Variants in TVP23C observed in about 807,000 individuals in gnomAD.
The protein encoded by TVP23C is Golgi apparatus membrane protein TVP23 homolog C.
In TVP23C, 19 loss-of-function variants were observed where a neutral mutation model predicts 28.7. That is an observed-to-expected ratio of 0.66 (90% confidence interval 0.46 to 0.97). The LOEUF is 0.97. TVP23C is among the 50% of genes least tolerant of loss of function. The pLI, the probability that TVP23C is intolerant of heterozygous loss-of-function variation, is 0.00. For synonymous variants in TVP23C, 68 were observed against 81.7 expected (o/e 0.83, Z 0.90); for missense variants, 186 against 241.3 (o/e 0.77, Z 1.52).
At chr17:15,521,093 A>G (rs373924074) in intron 5 of TVP23C, among the ~76,000 whole-genome samples, 2 of 152,024 alleles carry the variant, frequency 1.3e-5, no homozygotes, top group East Asian at 1.9e-4. Flanking sequence ...ATGTTCATGG[A>G]TCAGAAGATT....
intron 1 of TVP23C, among the ~76,000 whole-genome samples, chr17:15,560,563 T>TTTTG (rs879715339): frequency 4.0e-5 from 6 of 149,112 alleles, no homozygotes; most frequent in African/African-American, 7.3e-5. Context: ...AGTTTGTTTT[T>TTTTG]TTTGTTTGTT....
intron 5 of TVP23C, among the ~76,000 whole-genome samples, chr17:15,508,571 A>T (rs555179786): frequency 5.9e-5 from 9 of 152,186 alleles, no homozygotes; most frequent in African/African-American, 1.9e-4. Flanking sequence ...CTTAGGACTC[A>T]CATGCCTTTG....
rs151321349 is a variant in TVP23C at position 15,543,563 on chromosome 17, G to A, written c.462+2222C>T. 2.3e-3 allele frequency among the ~76,000 whole-genome samples: 354 copies of A among 151,800 alleles called. 2 individuals carry two copies. The highest frequency in any genetic ancestry group is 8.0e-3 in the African/African-American group (332 of 41,384). ...TGAGATAACAGGAGATGAAAATGGA[G>A]CTGACAAAGCTAAGGAAATACAGAG... On this transcript the variant is annotated intron_variant, in intron 5 of 5. Transcript: ENST00000518321.
At position 15,538,039 on chromosome 17, in the gene TVP23C, G is replaced by A. The variant is rs758638317; in HGVS notation, c.*2373C>T. The A allele has an allele frequency of 3.0e-5, 46 of 1,543,912 alleles. No homozygotes were observed. The Middle Eastern group carries it at 2.3e-3, about 76-fold the overall frequency. ...TGGAAAAACAAAGCCAACACTCCTC[G>A]TTGCAACATGGACTAAGCTCTAAAA... On this transcript the variant is annotated 3_prime_UTR_variant, in exon 6 of 6. Coordinates refer to ENST00000518321, the MANE Select transcript of TVP23C (RefSeq NM_001135036.2).
chr17:15,549,439 T>C (rs902437789), intron 3 of TVP23C, among the ~76,000 whole-genome samples: 12 of 152,034 alleles, frequency 7.9e-5, no homozygotes, highest in African/African-American at 2.4e-4. Context: ...TGTTAAGATA[T>C]AAGATGCCTG....
At chr17:15,521,662 T>C (rs1482987820) in intron 5 of TVP23C, among the ~76,000 whole-genome samples, 4 of 152,228 alleles carry the variant, frequency 2.6e-5, no homozygotes, top group Non-Finnish European at 5.9e-5. Context: ...TGGAGATTAA[T>C]GTGAAAAGGA....
At chr17:15,540,697 T>C (rs947617618) in intron 5 of TVP23C, 136 bp from the exon 6 acceptor site, 16 of 608,046 alleles carry the variant, frequency 2.6e-5, no homozygotes, top group Admixed American at 6.0e-5. Context: ...TTGTGCCAGT[T>C]GAGATTTTCC....
At chr17:15,546,262 A>C (rs1983642403) in intron 4 of TVP23C, among the ~76,000 whole-genome samples, 1 of 152,178 alleles carries the variant, frequency 6.6e-6, no homozygotes, top group Non-Finnish European at 1.5e-5. Flanking sequence ...CAAGGAAATC[A>C]CAGTTATAAT....
chr17:15,518,852 T>C (rs1982346160), intron 5 of TVP23C, among the ~76,000 whole-genome samples: 1 of 152,140 alleles, frequency 6.6e-6, no homozygotes, highest in African/African-American at 2.4e-5. Flanking sequence ...GTGACCTCAC[T>C]CAAATCTCAT....
intron 5 of TVP23C, among the ~76,000 whole-genome samples, chr17:15,543,397 A>G (rs989248304): frequency 6.6e-6 from 1 of 151,366 alleles, no homozygotes; most frequent in African/African-American, 2.4e-5. Context: ...TATAGCGAAA[A>G]AAGAAAAAAG....
At chr17:15,528,682 C>A (rs1470692865) in intron 5 of TVP23C, among the ~76,000 whole-genome samples, 1 of 151,588 alleles carries the variant, frequency 6.6e-6, no homozygotes, top group Admixed American at 6.6e-5. Flanking sequence ...CTTGGCTCAC[C>A]GAAGCTTCCA....
At chr17:15,503,186 G>A (rs1316460452) in exon 6 of TVP23C, 1 of 1,574,314 alleles carries the variant, frequency 6.4e-7, no homozygotes. Context: ...AGGATCTCTT[G>A]AGCCCAAGAC....
At chr17:15,506,442 C>T (rs975642436) in intron 5 of TVP23C, among the ~76,000 whole-genome samples, 3 of 152,056 alleles carry the variant, frequency 2.0e-5, no homozygotes, top group Non-Finnish European at 2.9e-5. Context: ...GGATTGTAAA[C>T]GCACCAGTCA....
chr17:15,551,950 T>C (rs1983911980), intron 3 of TVP23C, among the ~76,000 whole-genome samples: 1 of 152,214 alleles, frequency 6.6e-6, no homozygotes, highest in South Asian at 2.1e-4. Context: ...CATATCTCCA[T>C]TGTTTTGCTA....
At position 15,537,085 on chromosome 17, in the gene TVP23C, T is replaced by C; in HGVS notation, c.*3327A>G. The C allele has an allele frequency of 8.6e-6, 2 of 231,672 alleles. No individual in the cohort carries two copies. Among genetic ancestry groups the C allele is most frequent in the Non-Finnish European group, 1.4e-5 (2 of 145,360 alleles). 14.4% of individuals were successfully genotyped at this position (231,672 alleles called of 1,614,324 possible). The stretch of plus-strand genomic sequence containing the variant: ...ATTAAACAAATAATCTTAAAAACTA[T>C]TTTAACAATGTACAAATATATTCAC... On this transcript the variant is annotated 3_prime_UTR_variant, in exon 6 of 6. Transcript: ENST00000518321.
chr17:15,540,696 T>C (rs574524320), intron 5 of TVP23C, 135 bp from the exon 6 acceptor site: 62 of 608,358 alleles, frequency 1.0e-4, no homozygotes, highest in South Asian at 9.5e-4. Context: ...ATTGTGCCAG[T>C]TGAGATTTTC....
chr17:15,534,167 T>C (rs1983056429), downstream of TVP23C, among the ~76,000 whole-genome samples: 2 of 151,854 alleles, frequency 1.3e-5, no homozygotes, highest in South Asian at 4.2e-4. Context: ...TACATAATTA[T>C]TCAGCGAGGT....
chr17:15,530,189 T>C (rs1303944574), intron 5 of TVP23C, among the ~76,000 whole-genome samples: 1 of 152,228 alleles, frequency 6.6e-6, no homozygotes, highest in Non-Finnish European at 1.5e-5. Context: ...TATCTGCTCT[T>C]TTCCTTTTAT....
rs766633995 is a variant in TVP23C, at chr17:15,538,165, A to T, written c.*2247T>A. On this transcript the variant is annotated 3_prime_UTR_variant, in exon 6 of 6. Coordinates refer to ENST00000518321, the MANE Select transcript of TVP23C (RefSeq NM_001135036.2). ...TCATCTCCAGTGTTCCGCAAAAGAC[A>T]AAAAAAGAACTCCTTAACATCAAAG... 2.5e-6 allele frequency: 4 copies of T among 1,613,196 alleles called. No homozygotes were observed. Among genetic ancestry groups the T allele is most frequent in the Middle Eastern group, 3.3e-4 (2 of 6,054 alleles).
Sources: allele counts gnomAD v4.1 joint callset (sites outside exome capture counted in the v4.1 genomes callset), GRCh38; gene constraint gnomAD v4.1.1; transcripts MANE v1.5; gene names NCBI Gene and HGNC (gene_info 2026-07-23, HGNC 2026-07-21).